The following LINGO2 variants were observed in gnomAD, a reference collection of about 807,000 sequenced individuals.
LINGO2 encodes the protein leucine-rich repeat and immunoglobulin-like domain-containing nogo receptor-interacting protein 2.
LINGO2 carries 14 observed loss-of-function variants against 30.6 expected under a neutral mutation model. The observed-to-expected ratio is 0.46, with a 90% CI of 0.30 to 0.72. The LOEUF is 0.72. LINGO2 is among the 30% of genes least tolerant of loss of function. The probability of loss-of-function intolerance (pLI) is 0.07; values close to 1 mark genes in which losing one functional copy is unlikely to be tolerated. For missense variants in LINGO2, 729 were observed against 751.7 expected (o/e 0.97, Z 0.35); for synonymous variants, 317 against 288.5 (o/e 1.10, Z -1.00).
chr9:28,821,817 C>T, the LINGO2 span, among the ~76,000 whole-genome samples: 8 of 152,170 alleles, frequency 5.3e-5, no homozygotes, highest in African/African-American at 1.7e-4. Flanking sequence ...ATAGAGGATA[C>T]GGGAAAGAGC....
Position 28,280,085 on chromosome 9 carries a change from G to C in LINGO2, c.-87+15123C>G, listed in dbSNP as rs182675809. 1.3e-3 allele frequency among the ~76,000 whole-genome samples: 195 copies of C among 152,212 alleles called. 2 individuals carry two copies. Among genetic ancestry groups the C allele is most frequent in the African/African-American group, 4.4e-3 (181 of 41,540 alleles). On this transcript the variant is annotated intron_variant, in intron 4 of 5. Coordinates refer to ENST00000379992, the Ensembl canonical transcript of LINGO2. ...CTATCTTCTGACTGATTTTTTGAGA[G>C]AATGCTAAATGGAGTGATGGAATTG...
intron 1 of LINGO2, among the ~76,000 whole-genome samples, chr9:28,486,257 C>T (rs372470408): frequency 7.2e-5 from 11 of 152,202 alleles, no homozygotes; most frequent in African/African-American, 2.6e-4. Flanking sequence ...TTGATGACAA[C>T]AGGCACAGCA....
chr9:28,506,409 TATATATATATATACAC>T (rs139313399), intron 1 of LINGO2, among the ~76,000 whole-genome samples: 3,315 of 73,704 alleles, frequency 0.045, 154 homozygotes, highest in African/African-American at 0.1. Context: ...CATATATATA[TATATATATATATACAC>T]ACACACACAC....
the LINGO2 span, among the ~76,000 whole-genome samples, chr9:28,837,661 C>CATAT: frequency 2.1e-3 from 184 of 89,400 alleles, 18 homozygotes; most frequent in Admixed American, 4.1e-3. Context: ...TATATATATA[C>CATAT]ATATATATAT....
At chr9:28,879,741 TCAC>T in the LINGO2 span, among the ~76,000 whole-genome samples, 2 of 152,136 alleles carry the variant, frequency 1.3e-5, no homozygotes, top group African/African-American at 4.8e-5. Context: ...GACTTTAACA[TCAC>T]CACTGTGAGT....
chr9:28,048,851 T>C (rs1414281302), intron 4 of LINGO2, among the ~76,000 whole-genome samples: 1 of 150,786 alleles, frequency 6.6e-6, no homozygotes, highest in Non-Finnish European at 1.5e-5. Flanking sequence ...TAACTATATA[T>C]ATATGTAGTT....
chr9:28,218,231 T>TGTACAATA (rs1820836962), intron 4 of LINGO2, among the ~76,000 whole-genome samples: 1 of 151,076 alleles, frequency 6.6e-6, no homozygotes, highest in Non-Finnish European at 1.5e-5. Context: ...ATACAATAAC[T>TGTACAATA]CTATTATACA....
the LINGO2 span, among the ~76,000 whole-genome samples, chr9:28,997,115 A>T: frequency 6.6e-6 from 1 of 152,182 alleles, no homozygotes; most frequent in South Asian, 2.1e-4. Flanking sequence ...TTTTGTTTGG[A>T]AGTCAAGAGT....
At chr9:28,857,931 T>A in the LINGO2 span, among the ~76,000 whole-genome samples, 1 of 152,078 alleles carries the variant, frequency 6.6e-6, no homozygotes, top group East Asian at 1.9e-4. Context: ...GAAGTTGATT[T>A]AAAATAGAAA....
chr9:28,932,789 CTTAG>C, the LINGO2 span, among the ~76,000 whole-genome samples: 12 of 152,076 alleles, frequency 7.9e-5, no homozygotes, highest in African/African-American at 1.9e-4. Flanking sequence ...TCTCAAATTT[CTTAG>C]TTACTCTCAA....
intron 4 of LINGO2, among the ~76,000 whole-genome samples, chr9:28,041,710 G>T (rs1447654027): frequency 2.6e-5 from 4 of 152,128 alleles, no homozygotes; most frequent in African/African-American, 4.8e-5. Flanking sequence ...TGTGAGCCCA[G>T]AGAATTATCA....
At chr9:29,052,448 G>A in the LINGO2 span, among the ~76,000 whole-genome samples, 1 of 152,176 alleles carries the variant, frequency 6.6e-6, no homozygotes, top group Non-Finnish European at 1.5e-5. Context: ...GGGCAGGAGA[G>A]TAGTGGATTA....
intron 1 of LINGO2, among the ~76,000 whole-genome samples, chr9:28,624,093 T>C (rs1826539421): frequency 6.6e-6 from 1 of 152,150 alleles, no homozygotes; most frequent in Non-Finnish European, 1.5e-5. Context: ...TAGATTTTTC[T>C]AAATATAAGC....
the LINGO2 span, among the ~76,000 whole-genome samples, chr9:29,197,974 T>G: frequency 6.6e-6 from 1 of 152,284 alleles, no homozygotes; most frequent in African/African-American, 2.4e-5. Flanking sequence ...TATTTGTGCA[T>G]AGTACCATAT....
At chr9:28,809,231 G>A in the LINGO2 span, among the ~76,000 whole-genome samples, 1 of 152,122 alleles carries the variant, frequency 6.6e-6, no homozygotes, top group South Asian at 2.1e-4. Flanking sequence ...TTCTTAATAG[G>A]ATTCAAAGTG....
intron 1 of LINGO2, among the ~76,000 whole-genome samples, chr9:28,589,212 C>A (rs900201425): frequency 6.6e-6 from 1 of 152,212 alleles, no homozygotes; most frequent in South Asian, 2.1e-4. Context: ...TGGACAAAAA[C>A]TGGAAGCATT....
At chr9:27,952,426 T>G (rs10121453) in intron 5 of LINGO2, among the ~76,000 whole-genome samples, 84,042 of 151,724 alleles carry the variant, frequency 0.55, 24,720 homozygotes, top group East Asian at 0.8. Flanking sequence ...CAAAGAATAA[T>G]GTTTTAAGCT....
At chr9:28,139,206 T>G (rs1000916029) in intron 4 of LINGO2, among the ~76,000 whole-genome samples, 1 of 152,176 alleles carries the variant, frequency 6.6e-6, no homozygotes. Flanking sequence ...TCTCAGTTAT[T>G]ACTAAAAAAG....
the LINGO2 span, among the ~76,000 whole-genome samples, chr9:28,821,861 C>T: frequency 6.6e-6 from 1 of 151,980 alleles, no homozygotes; most frequent in Non-Finnish European, 1.5e-5. Flanking sequence ...GTCAAAGGCC[C>T]GTCAAGGTAA....
Sources: gnomAD v4.1 joint callset for allele counts (sites outside exome capture counted in the v4.1 genomes callset) on GRCh38, gnomAD v4.1.1 for gene constraint, MANE v1.5 for transcripts, NCBI Gene and HGNC (gene_info 2026-07-23, HGNC 2026-07-21) for gene names.